The following GPR107 variants were observed in gnomAD, a reference collection of about 807,000 sequenced individuals.
The protein encoded by GPR107 is G protein-coupled receptor 107.
Under a neutral mutation model 75.5 loss-of-function variants are expected in GPR107, and 31 were observed. The ratio of observed to expected loss-of-function variants is 0.41; its 90% CI spans 0.31 to 0.55. The LOEUF is 0.55. Among genes scored for constraint, GPR107 ranks in the 20% least tolerant of loss-of-function variants. GPR107 has a pLI of 0.26. For missense variants in GPR107, 572 were observed against 665.7 expected, an observed-to-expected ratio of 0.86 and a Z score of 1.55; for synonymous variants, 267 against 251.3, an observed-to-expected ratio of 1.06 and a Z score of -0.59.
At chr9:130,100,584 C>T in intron 10 of GPR107, 45 bp from the exon 11 acceptor site, 1 of 1,292,294 alleles carries the variant, frequency 7.7e-7, no homozygotes, top group East Asian at 2.3e-5. Context: ...TTTGTGGAGC[C>T]ATGTAGATAA....
intron 12 of GPR107, among the ~76,000 whole-genome samples, chr9:130,102,177 G>GCAGTGGCATAA (rs33934044): frequency 0.01 from 1 of 96 alleles, no homozygotes; most frequent in Non-Finnish European, 0.029. Flanking sequence ...TGTGACAGAG[G>GCAGTGGCATAA]CAGTAAATAC....
At chr9:130,100,306 G>A (rs1011159098) in intron 10 of GPR107, among the ~76,000 whole-genome samples, 1 of 152,170 alleles carries the variant, frequency 6.6e-6, no homozygotes, top group Non-Finnish European at 1.5e-5. Flanking sequence ...AAAGCTGGAG[G>A]CATGAGAATT....
intron 15 of GPR107, among the ~76,000 whole-genome samples, chr9:130,126,221 A>G (rs1831678951): frequency 8.7e-6 from 1 of 114,952 alleles, no homozygotes; most frequent in Non-Finnish European, 1.9e-5. Context: ...AAGTTCTATC[A>G]GCTAGCACCA....
Position 130,128,769 on chromosome 9 carries a change from A to G in GPR107, c.1562+8A>G. The G allele has an allele frequency of 1.9e-6, 3 of 1,613,458 alleles. No individual in the cohort carries two copies. The highest frequency in any genetic ancestry group is 2.5e-6 in the Non-Finnish European group (3 of 1,179,404). ...CTTGGAAATGGAGTCCGTGTAAGAAATCTTTCTTCCCTCTTCCTTAGCCCT... is the reference window on the plus strand; with the variant it reads ...CTTGGAAATGGAGTCCGTGTAAGAAGTCTTTCTTCCCTCTTCCTTAGCCCT... On this transcript the variant is annotated splice_region_variant and intron_variant, in intron 17 of 17. Transcript: ENST00000347136.
chr9:130,099,370 C>T (rs922565698), intron 9 of GPR107, 87 bp from the exon 10 acceptor site: 2 of 776,454 alleles, frequency 2.6e-6, no homozygotes, highest in Non-Finnish European at 4.5e-6. Flanking sequence ...TTCCTGTCTC[C>T]TTATAAATAT....
At chr9:130,113,661 C>A (rs1383259745) in intron 14 of GPR107, among the ~76,000 whole-genome samples, 1 of 152,166 alleles carries the variant, frequency 6.6e-6, no homozygotes, top group Admixed American at 6.6e-5. Context: ...CATTGTCTTC[C>A]ACCTGGCCAG....
chr9:130,090,201 A>G (rs1437389294), intron 7 of GPR107, among the ~76,000 whole-genome samples: 2 of 152,184 alleles, frequency 1.3e-5, no homozygotes, highest in African/African-American at 4.8e-5. Context: ...CTTAGGCTTG[A>G]CCAAGAAGTC....
intron 14 of GPR107, among the ~76,000 whole-genome samples, chr9:130,111,564 AG>A (rs1345844159): frequency 6.6e-6 from 1 of 152,148 alleles, no homozygotes; most frequent in Non-Finnish European, 1.5e-5. Flanking sequence ...ACTATGGCAA[AG>A]AATCTCATTT....
chr9:130,056,179 C>T (rs1431615732), intron 1 of GPR107, among the ~76,000 whole-genome samples: 1 of 151,910 alleles, frequency 6.6e-6, no homozygotes, highest in Non-Finnish European at 1.5e-5. Context: ...TGGCCGGGCA[C>T]GGTGGCTCAC....
intron 14 of GPR107, among the ~76,000 whole-genome samples, chr9:130,123,865 T>A (rs1050774942): frequency 1.3e-5 from 2 of 152,200 alleles, no homozygotes; most frequent in Non-Finnish European, 2.9e-5. Context: ...TGCTGCGATT[T>A]TGCAGATTTT....
chr9:130,057,886 A>C (rs1160652494), intron 1 of GPR107, among the ~76,000 whole-genome samples: 3 of 151,090 alleles, frequency 2.0e-5, no homozygotes, highest in African/African-American at 7.3e-5. Context: ...GCTGGAAAGC[A>C]ATGGCGCGAT....
intron 9 of GPR107, among the ~76,000 whole-genome samples, chr9:130,098,170 C>CT (rs1830926727): frequency 6.6e-6 from 1 of 152,190 alleles, no homozygotes; most frequent in African/African-American, 2.4e-5. Flanking sequence ...GCATGAGCCA[C>CT]TGCACCTAGC....
chr9:130,066,607 A>G (rs1200561637), intron 1 of GPR107, among the ~76,000 whole-genome samples: 2 of 152,186 alleles, frequency 1.3e-5, no homozygotes, highest in African/African-American at 4.8e-5. Context: ...ATGTGGACCC[A>G]GTGAGGTAGA....
At chr9:130,100,595 T>C (rs1831000797) in intron 10 of GPR107, 34 bp from the exon 11 acceptor site, 2 of 1,426,028 alleles carry the variant, frequency 1.4e-6, no homozygotes, top group South Asian at 2.3e-5. Context: ...ATGTAGATAA[T>C]GAGTGATTCT....
At chr9:130,125,921 G>A (rs1363455087) in intron 15 of GPR107, among the ~76,000 whole-genome samples, 3 of 151,978 alleles carry the variant, frequency 2.0e-5, no homozygotes, top group East Asian at 1.9e-4. Flanking sequence ...TGGGCATGGT[G>A]GCGTGTGCTT....
intron 14 of GPR107, among the ~76,000 whole-genome samples, chr9:130,114,122 A>G (rs1309635077): frequency 1.4e-5 from 2 of 139,272 alleles, no homozygotes; most frequent in Admixed American, 1.6e-4. Context: ...TAATCCCAGC[A>G]CTTTGGGAGG....
chr9:130,101,366 C>T (rs866639678), intron 12 of GPR107, 143 bp downstream of exon 12: 5 of 671,176 alleles, frequency 7.4e-6, no homozygotes, highest in Middle Eastern at 5.2e-4. Context: ...GATTCTCTTT[C>T]TGAATTCTGA....
chr9:130,100,554 G>C (rs1437757376), intron 10 of GPR107, 75 bp from the exon 11 acceptor site: 2 of 1,053,836 alleles, frequency 1.9e-6, no homozygotes, highest in Middle Eastern at 2.0e-4. Context: ...TTTCCCAAAT[G>C]GGTCCAAGTT....
chr9:130,099,419 G>C, intron 9 of GPR107, 38 bp from the exon 10 acceptor site: 1 of 1,157,788 alleles, frequency 8.6e-7, no homozygotes, highest in Non-Finnish European at 1.3e-6. Context: ...TTGGGAGAAT[G>C]GAATCTTCCT....
Sources: gnomAD v4.1 joint callset for allele counts (sites outside exome capture counted in the v4.1 genomes callset) on GRCh38, gnomAD v4.1.1 for gene constraint, MANE v1.5 for transcripts, NCBI Gene and HGNC (gene_info 2026-07-23, HGNC 2026-07-21) for gene names.